Variants in GRAMD4 observed in about 807,000 individuals in gnomAD.
GRAMD4 encodes GRAM domain containing 4, also known as GRAM domain-containing protein 4.
GRAMD4 carries 25 observed loss-of-function variants against 83.9 expected under a neutral mutation model. That is an observed-to-expected ratio of 0.30 (90% CI 0.22 to 0.42). The LOEUF is 0.42. GRAMD4 is among the 10% of genes least tolerant of loss of function. The pLI is 1.00. For synonymous variants in GRAMD4, 336 were observed against 320.9 expected (o/e 1.05, Z -0.50); for missense variants, 593 against 788.7 (o/e 0.75, Z 2.97).
At chr22:46,637,722 C>A in intron 2 of GRAMD4, 118 bp from the exon 3 acceptor site, 1 of 1,010,104 alleles carries the variant, frequency 9.9e-7, no homozygotes, top group Non-Finnish European at 1.5e-6. Flanking sequence ...AGCTGCTGGT[C>A]CCTTTCACAT....
chr22:46,596,667 C>T (rs778054401), intron 1 of GRAMD4, among the ~76,000 whole-genome samples: 1 of 152,212 alleles, frequency 6.6e-6, no homozygotes, highest in Non-Finnish European at 1.5e-5. Flanking sequence ...TCTCCTGCCT[C>T]AGCCTTCTGA....
chr22:46,682,704 T>A (rs777061193), downstream of GRAMD4, among the ~76,000 whole-genome samples: 8 of 152,264 alleles, frequency 5.3e-5, no homozygotes, highest in Non-Finnish European at 1.2e-4. Flanking sequence ...GTAGCACGCA[T>A]ATCCTGACTG....
intron 3 of GRAMD4, among the ~76,000 whole-genome samples, chr22:46,654,984 G>A (rs991305949): frequency 3.9e-5 from 6 of 152,190 alleles, no homozygotes; most frequent in African/African-American, 1.2e-4. Context: ...AGCAGGACCC[G>A]TGAGAGAAGA....
chr22:46,666,272 C>T (rs910604080), intron 9 of GRAMD4, among the ~76,000 whole-genome samples: 7 of 152,208 alleles, frequency 4.6e-5, no homozygotes, highest in African/African-American at 7.2e-5. Flanking sequence ...ACCCCTAGTC[C>T]CTGCACTCCT....
chr22:46,581,055 C>T (rs146176661), intron 1 of GRAMD4, among the ~76,000 whole-genome samples: 6 of 151,948 alleles, frequency 3.9e-5, no homozygotes, highest in Non-Finnish European at 8.8e-5. Flanking sequence ...TTTGGTATCT[C>T]GGCATGTGGC....
At chr22:46,677,003 G>T in intron 18 of GRAMD4, 144 bp from the exon 19 acceptor site, 1 of 898,754 alleles carries the variant, frequency 1.1e-6, no homozygotes, top group Admixed American at 2.5e-5. Context: ...CTGGCTCCGG[G>T]TGGTGGGGAG....
chr22:46,674,036 C>T (rs1427794361), intron 15 of GRAMD4, among the ~76,000 whole-genome samples: 1 of 152,224 alleles, frequency 6.6e-6, no homozygotes, highest in East Asian at 1.9e-4. Flanking sequence ...GAGAGCCGCC[C>T]ACGCTGCAGC....
upstream of GRAMD4, among the ~76,000 whole-genome samples, chr22:46,619,841 G>A (rs2081548708): frequency 6.6e-6 from 1 of 152,234 alleles, no homozygotes; most frequent in Non-Finnish European, 1.5e-5. Flanking sequence ...CACTGCAGTG[G>A]GGGTGGGGGA....
At chr22:46,664,837 G>A (rs1319812064) in intron 8 of GRAMD4, among the ~76,000 whole-genome samples, 5 of 152,256 alleles carry the variant, frequency 3.3e-5, no homozygotes, top group Admixed American at 6.5e-5. Context: ...TGCTGAGCGG[G>A]CCCCTTGGGA....
At chr22:46,580,731 G>A (rs553511718) in intron 1 of GRAMD4, among the ~76,000 whole-genome samples, 6 of 152,312 alleles carry the variant, frequency 3.9e-5, no homozygotes, top group Non-Finnish European at 5.9e-5. Flanking sequence ...TTGGGAGGCC[G>A]AGGCGGGCAG....
At position 46,672,845 on chromosome 22, in the gene GRAMD4, C is replaced by T; in HGVS notation, c.1087C>T (p.Leu363Phe). 1 of 1,611,640 alleles carries T rather than the reference C, an allele frequency of 6.2e-7. No individual in the cohort carries two copies. Among genetic ancestry groups the T allele is most frequent in the Non-Finnish European group, 8.5e-7 (1 of 1,178,744 alleles). ...PYRLVGLAVG[L>F]YAGIKFFLID... Reference sequence around the variant, plus strand: ...CAGGCTGTGTCCCCTGCCCTCAGGACTCTATGCTGGTATCAAGTTCTTCCT... The same window carrying T: ...CAGGCTGTGTCCCCTGCCCTCAGGATTCTATGCTGGTATCAAGTTCTTCCT... The change falls in exon 14 of 19, where the codon CTC becomes TTC. Residue 363 changes from leucine (L) to phenylalanine (F), a missense_variant and splice_region_variant. Leu to Phe is a conservative substitution (Grantham distance 22, BLOSUM62 0). This residue lies in a region of GRAMD4 where 171 missense variants were observed against 199.6 expected (regional missense o/e 0.86). Coordinates refer to ENST00000406902, the MANE Select transcript of GRAMD4 (RefSeq NM_015124.5). The surrounding 1 kb of genome is among the most constrained non-coding windows in gnomAD (Gnocchi z 4.7).
At chr22:46,637,808 G>A (rs2081913288) in intron 2 of GRAMD4, 32 bp from the exon 3 acceptor site, 1 of 1,611,884 alleles carries the variant, frequency 6.2e-7, no homozygotes, top group Non-Finnish European at 8.5e-7. Context: ...GCCACAGGTG[G>A]CCCCTTTGAG....
chr22:46,680,587 C>A (rs1569313402), downstream of GRAMD4, among the ~76,000 whole-genome samples: 1 of 145,320 alleles, frequency 6.9e-6, no homozygotes, highest in Non-Finnish European at 1.5e-5. Flanking sequence ...TCCATCCATC[C>A]ATCCATCCAC....
At chr22:46,607,025 GA>G (rs1263919457) in intron 1 of GRAMD4, among the ~76,000 whole-genome samples, 1 of 152,230 alleles carries the variant, frequency 6.6e-6, no homozygotes, top group African/African-American at 2.4e-5. Flanking sequence ...GCGTTTGCCT[GA>G]GAATCCAGTG....
intron 1 of GRAMD4, among the ~76,000 whole-genome samples, chr22:46,597,735 C>T (rs1023683397): frequency 5.9e-5 from 9 of 152,142 alleles, no homozygotes; most frequent in African/African-American, 1.4e-4. Flanking sequence ...GTGATCTGCC[C>T]GCTTCGGCCT....
In GRAMD4 at chr22:46,581,521, G is replaced by A. The variant is rs901225667; in HGVS notation, c.-50+4231G>A. Among the ~76,000 whole-genome samples, 8 of 152,348 alleles carry A rather than the reference G, an allele frequency of 5.3e-5. No homozygotes were observed. The East Asian group carries it at 5.8e-4, about 11-fold the overall frequency. ...TCCTGATAACCCTCCTCTAAGGGGG[G>A]TTTTGTGAGAGAAATATCAGCAATA... On this transcript the variant is annotated intron_variant, in intron 1 of 1. Transcript: ENST00000431155.
At chr22:46,616,510 A>G (rs1451086428), upstream of GRAMD4, among the ~76,000 whole-genome samples, 3 of 69,860 alleles carry the variant, frequency 4.3e-5, no homozygotes, top group African/African-American at 5.9e-5. Context: ...AGGTTCCCCC[A>G]AGCGTGTAGG....
intron 3 of GRAMD4, among the ~76,000 whole-genome samples, chr22:46,639,060 G>A (rs1178042182): frequency 2.0e-5 from 3 of 152,246 alleles, no homozygotes; most frequent in Admixed American, 2.0e-4. Flanking sequence ...GTGAGCCTGT[G>A]TATGTACAGC....
In GRAMD4 at chr22:46,664,533, A is replaced by G. The variant is rs560926004; in HGVS notation, c.717+416A>G. Among the ~76,000 whole-genome samples, 5 of 152,330 alleles carry G rather than the reference A, an allele frequency of 3.3e-5. No homozygotes were observed. In the South Asian group the frequency reaches 1.0e-3, roughly 32 times the overall value. Reference sequence around the variant, plus strand: ...GGGCCCAGCCCAGCCCCTGTGAGCCATGAGTCCTGAGGGATTGGAGGGTGC... The same window carrying G: ...GGGCCCAGCCCAGCCCCTGTGAGCCGTGAGTCCTGAGGGATTGGAGGGTGC... On this transcript the variant is annotated intron_variant, in intron 8 of 18. Transcript: ENST00000406902.
Sources: gnomAD v4.1 joint callset for allele counts (sites outside exome capture counted in the v4.1 genomes callset) on GRCh38, gnomAD v4.1.1 for gene constraint, gnomAD v4.1.1 regional missense constraint, Gnocchi (gnomAD v3.1) non-coding constraint, MANE v1.5 for transcripts, NCBI Gene and HGNC (gene_info 2026-07-23, HGNC 2026-07-21) for gene names.